The following SRD5A1 variants were observed in gnomAD, a reference collection of about 807,000 sequenced individuals.
SRD5A1 encodes the protein steroid 5 alpha-reductase 1, also known as 3-oxo-5-alpha-steroid 4-dehydrogenase 1.
In SRD5A1, 22 loss-of-function variants were observed where a neutral mutation model predicts 28.2. The ratio of observed to expected loss-of-function variants is 0.78; its 90% CI spans 0.56 to 1.12. The LOEUF is 1.12. Among genes scored for constraint, SRD5A1 ranks in the 50% most tolerant of loss-of-function variants. SRD5A1 has a pLI of 0.00. For synonymous variants in SRD5A1, 151 were observed against 135.0 expected, an observed-to-expected ratio of 1.12 and a Z score of -0.82; for missense variants, 300 against 346.7, an observed-to-expected ratio of 0.87 and a Z score of 1.07.
intron 1 of SRD5A1, among the ~76,000 whole-genome samples, chr5:6,647,761 G>C (rs1738549809): frequency 6.6e-6 from 1 of 152,050 alleles, no homozygotes; most frequent in African/African-American, 2.4e-5. Flanking sequence ...CATTTAGCCT[G>C]TTTACATTTA....
intron 4 of SRD5A1, among the ~76,000 whole-genome samples, chr5:6,666,896 T>C (rs1408428465): frequency 6.6e-6 from 1 of 152,172 alleles, no homozygotes; most frequent in Non-Finnish European, 1.5e-5. Flanking sequence ...CCTGCTGTCA[T>C]GTACTCTGCC....
At position 6,633,808 on chromosome 5, in the gene SRD5A1, C is replaced by G. The variant is rs1738071127; in HGVS notation, c.232C>G (p.Arg78Gly). Residue 78 changes from arginine to glycine, a missense_variant, in exon 1 of 5, where the codon CGT becomes GGT. This residue lies in a region of SRD5A1 where 174 missense variants were observed against 160.9 expected (regional missense o/e 1.08). Coordinates refer to ENST00000274192, the MANE Select transcript of SRD5A1 (RefSeq NM_001047.4). ...LYQYASESAP[R>G]LRSAPNCILL... ...CCAGTACGCCAGCGAGTCCGCCCCG[C>G]GTCTCCGCAGCGCGCCCAACTGCAT... 6.3e-7 allele frequency: 1 copy of G among 1,597,918 alleles called. No homozygotes were observed. The highest frequency in any genetic ancestry group is 8.5e-7 in the Non-Finnish European group (1 of 1,179,654).
Position 6,656,909 on chromosome 5 carries a change from T to TA in SRD5A1, c.562+732dup, listed in dbSNP as rs1347424377. Among the ~76,000 whole-genome samples the TA allele has an allele frequency of 2.0e-5, 3 of 152,184 alleles. No individual in the cohort carries two copies. The South Asian group carries it at 6.2e-4, about 31-fold the overall frequency. ...AAGTACAGCACCATGAGGGAGAGCG[T>TA]AATTCAACATGAAAGATTTCAGATG... On this transcript the variant is annotated intron_variant, in intron 3 of 4. Transcript: ENST00000274192.
chr5:6,655,828 T>C (rs1406751990), intron 2 of SRD5A1, among the ~76,000 whole-genome samples: 2 of 152,210 alleles, frequency 1.3e-5, no homozygotes, highest in African/African-American at 2.4e-5. Flanking sequence ...CCTGAAGATG[T>C]AGATTGTGAT....
intron 3 of SRD5A1, among the ~76,000 whole-genome samples, chr5:6,656,426 G>A (rs1738838115): frequency 6.6e-6 from 1 of 152,238 alleles, no homozygotes; most frequent in African/African-American, 2.4e-5. Context: ...CTTGGGAAGA[G>A]AGGATGAGGA....
At chr5:6,649,718 G>A (rs1323620821) in intron 1 of SRD5A1, among the ~76,000 whole-genome samples, 2 of 152,214 alleles carry the variant, frequency 1.3e-5, no homozygotes, top group Non-Finnish European at 2.9e-5. Flanking sequence ...CTTCCTGGGT[G>A]AGGCGATGCC....
At chr5:6,665,617 T>TTCCTAATA (rs1417050261) in intron 4 of SRD5A1, among the ~76,000 whole-genome samples, 1 of 152,174 alleles carries the variant, frequency 6.6e-6, no homozygotes, top group Non-Finnish European at 1.5e-5. Flanking sequence ...TCCTTTTATA[T>TTCCTAATA]TCCTAATATT....
chr5:6,645,678 G>A (rs1738489161), intron 1 of SRD5A1, among the ~76,000 whole-genome samples: 1 of 151,596 alleles, frequency 6.6e-6, no homozygotes, highest in Admixed American at 6.6e-5. Flanking sequence ...ATGAATTTTG[G>A]TGATTGCATA....
intron 1 of SRD5A1, among the ~76,000 whole-genome samples, chr5:6,638,306 T>G (rs959930513): frequency 3.2e-4 from 49 of 152,160 alleles, no homozygotes; most frequent in African/African-American, 1.2e-3. Flanking sequence ...AGCACTAAAC[T>G]CCATCTTAAA....
chr5:6,650,275 G>A (rs936039399), intron 1 of SRD5A1, among the ~76,000 whole-genome samples: 3 of 151,910 alleles, frequency 2.0e-5, no homozygotes, highest in African/African-American at 7.3e-5. Context: ...ACCAGGTGTG[G>A]TGGTGTGTGC....
intron 1 of SRD5A1, among the ~76,000 whole-genome samples, chr5:6,638,048 G>GT (rs1738247454): frequency 6.6e-6 from 1 of 152,184 alleles, no homozygotes; most frequent in Non-Finnish European, 1.5e-5. Flanking sequence ...TAAAATTGTA[G>GT]TTTTTTTAGG....
intron 1 of SRD5A1, among the ~76,000 whole-genome samples, chr5:6,634,937 C>T (rs1181522136): frequency 6.6e-6 from 1 of 152,204 alleles, no homozygotes; most frequent in Non-Finnish European, 1.5e-5. Context: ...TGTCTCTACA[C>T]CCAAGGAAGT....
intron 1 of SRD5A1, among the ~76,000 whole-genome samples, chr5:6,642,640 G>A (rs1477012754): frequency 2.0e-5 from 3 of 152,216 alleles, no homozygotes; most frequent in East Asian, 3.8e-4. Context: ...CACAGTATGA[G>A]TTTTGCACAA....
At chr5:6,636,506 A>C (rs571745417) in intron 1 of SRD5A1, among the ~76,000 whole-genome samples, 3 of 152,240 alleles carry the variant, frequency 2.0e-5, no homozygotes, top group Admixed American at 2.0e-4. Flanking sequence ...GTTTCGCTGG[A>C]GTGAGGTTGG....
At chr5:6,650,139 T>C (rs1020080369) in intron 1 of SRD5A1, among the ~76,000 whole-genome samples, 8 of 152,200 alleles carry the variant, frequency 5.3e-5, no homozygotes, top group African/African-American at 1.9e-4. Context: ...TTAAATTTAT[T>C]GGTATAAGGT....
At chr5:6,656,222 A>G (rs1340330313) in intron 3 of SRD5A1, 43 bp downstream of exon 3, 21 of 1,533,590 alleles carry the variant, frequency 1.4e-5, no homozygotes, top group African/African-American at 8.2e-5. Flanking sequence ...GTTGCTTGCC[A>G]TGGTTCCTGG....
In SRD5A1 at chr5:6,635,661, A is replaced by G. The variant is rs141035178; in HGVS notation, c.293+1792A>G. ...TACACAATACCTAGCACTATTTTGC[A>G]TTGCTGTGAATGCACATCCAGACAT... On this transcript the variant is annotated intron_variant, in intron 1 of 4. Coordinates refer to ENST00000274192, the MANE Select transcript of SRD5A1 (RefSeq NM_001047.4). Among the ~76,000 whole-genome samples the G allele has an allele frequency of 8.0e-4, 122 of 152,334 alleles. 2 individuals are homozygous for G. In the East Asian group the frequency reaches 0.02, roughly 25 times the overall value.
chr5:6,648,177 G>C (rs1455264021), intron 1 of SRD5A1, among the ~76,000 whole-genome samples: 1 of 152,170 alleles, frequency 6.6e-6, no homozygotes, highest in Non-Finnish European at 1.5e-5. Context: ...CCCTTTATGG[G>C]TAACCAGCCC....
Position 6,633,859 on chromosome 5 carries a change from T to C in SRD5A1, c.283T>C (p.Tyr95His), listed in dbSNP as rs773365693. The C allele has an allele frequency of 6.3e-7, 1 of 1,596,986 alleles. No homozygotes were observed. ...CILLAMFLVH[Y>H]GHRCLIYPFL... ...CCTCCTGGCCATGTTCCTCGTCCAC[T>C]ACGGGCATCGGTAACGTCCCCGGCC... Residue 95 changes from tyrosine to histidine, a missense_variant, in exon 1 of 5, where the codon TAC (tyrosine) becomes CAC (histidine). Tyr to His is a moderately conservative substitution (Grantham distance 83). This residue lies in a region of SRD5A1 where 174 missense variants were observed against 160.9 expected (regional missense o/e 1.08). Transcript: ENST00000274192.
Sources: allele counts gnomAD v4.1 joint callset (sites outside exome capture counted in the v4.1 genomes callset), GRCh38; gene constraint gnomAD v4.1.1; regional missense constraint gnomAD v4.1.1; transcripts MANE v1.5; gene names NCBI Gene and HGNC (gene_info 2026-07-23, HGNC 2026-07-21).